Variants in DLG1 observed in about 807,000 individuals in gnomAD.
DLG1 encodes disks large homolog 1.
A neutral mutation model predicts 123.4 loss-of-function variants in DLG1; 42 were observed. The ratio of observed to expected loss-of-function variants is 0.34; its 90% CI spans 0.27 to 0.44. The LOEUF (loss-of-function observed/expected upper bound fraction) is 0.44. Ranked by LOEUF, DLG1 falls within the 20% of genes least tolerant of loss-of-function variation. The pLI is 1.00. For synonymous variants in DLG1, 317 were observed against 356.2 expected (o/e 0.89, Z 1.24); for missense variants, 942 against 1,082.6 (o/e 0.87, Z 1.82).
At chr3:197,291,708 C>T (rs987802187) in intron 3 of DLG1, among the ~76,000 whole-genome samples, 2 of 152,124 alleles carry the variant, frequency 1.3e-5, no homozygotes, top group South Asian at 4.1e-4. Flanking sequence ...TTTCTGGCTC[C>T]GCAATTTAGC....
chr3:197,190,737 G>A (rs368301649), intron 5 of DLG1, among the ~76,000 whole-genome samples: 8 of 152,194 alleles, frequency 5.3e-5, no homozygotes, highest in Non-Finnish European at 8.8e-5. Context: ...TCGGCCGGGC[G>A]CGGTGGCTCC....
intron 4 of DLG1, among the ~76,000 whole-genome samples, chr3:197,238,346 AG>A (rs1448054044): frequency 6.6e-6 from 1 of 152,260 alleles, no homozygotes; most frequent in Non-Finnish European, 1.5e-5. Context: ...TACCTAACAG[AG>A]TTTAAAGTAG....
intron 11 of DLG1, among the ~76,000 whole-genome samples, chr3:197,122,503 G>C (rs1271023679): frequency 6.6e-6 from 1 of 152,024 alleles, no homozygotes; most frequent in African/African-American, 2.4e-5. Context: ...AGGAAAGAAG[G>C]AAGTAAAATT....
intron 4 of DLG1, among the ~76,000 whole-genome samples, chr3:197,200,559 T>C (rs764596633): frequency 1.6e-4 from 25 of 152,174 alleles, no homozygotes; most frequent in African/African-American, 5.3e-4. Flanking sequence ...CTAATGAACA[T>C]AGATGTAAAA....
intron 8 of DLG1, 94 bp from the exon 9 acceptor site, chr3:197,138,485 G>T: frequency 1.8e-6 from 1 of 543,566 alleles, no homozygotes; most frequent in Non-Finnish European, 2.6e-6. Context: ...CTTTTTTAAG[G>T]TAAAGAGAAT....
chr3:197,285,045 A>C (rs338179), intron 3 of DLG1, among the ~76,000 whole-genome samples: 107,365 of 148,016 alleles, frequency 0.73, 39,022 homozygotes, highest in East Asian at 0.81. Flanking sequence ...AAAAAAAAAA[A>C]AACTGGAAAT....
Position 197,169,053 on chromosome 3 carries a change from T to C in DLG1, c.484-19257A>G, listed in dbSNP as rs528423526. Among the ~76,000 whole-genome samples, 8 of 152,368 alleles carry C rather than the reference T, an allele frequency of 5.3e-5. No individual in the cohort carries two copies. In the South Asian group the frequency reaches 1.7e-3, roughly 32 times the overall value. On this transcript the variant is annotated intron_variant, in intron 5 of 24. Coordinates refer to ENST00000667157, the MANE Select transcript of DLG1 (RefSeq NM_001366207.1). ...GAGATTAATTTTCTCTATAGCTTTATATTTTAAATCTAATTTAAGATCTTA... is the reference window on the plus strand; with the variant it reads ...GAGATTAATTTTCTCTATAGCTTTACATTTTAAATCTAATTTAAGATCTTA...
At chr3:197,283,608 C>T (rs992466185) in intron 3 of DLG1, among the ~76,000 whole-genome samples, 4 of 152,036 alleles carry the variant, frequency 2.6e-5, no homozygotes, top group African/African-American at 7.2e-5. Flanking sequence ...CCCGCTATTC[C>T]GAAGCTGTAA....
intron 18 of DLG1, among the ~76,000 whole-genome samples, chr3:197,071,268 G>T (rs1266249748): frequency 6.6e-6 from 1 of 152,052 alleles, no homozygotes; most frequent in East Asian, 1.9e-4. Flanking sequence ...AACAGAATTG[G>T]CAAATGTTCA....
At chr3:197,296,658 A>C in intron 2 of DLG1, 181 bp from the exon 3 acceptor site, 1 of 497,406 alleles carries the variant, frequency 2.0e-6, no homozygotes, top group Non-Finnish European at 3.5e-6. Flanking sequence ...AAAAAATTAA[A>C]GAAATACAAG....
intron 10 of DLG1, 94 bp from the exon 11 acceptor site, chr3:197,130,765 G>T: frequency 9.7e-7 from 1 of 1,031,760 alleles, no homozygotes; most frequent in East Asian, 2.5e-5. Context: ...ATAAGAGAGT[G>T]GTTTAAGGAA....
chr3:197,086,169 T>C (rs113054739), intron 15 of DLG1, among the ~76,000 whole-genome samples: 1 of 152,244 alleles, frequency 6.6e-6, no homozygotes, highest in African/African-American at 2.4e-5. Flanking sequence ...AGTTGTGGAC[T>C]GTACGACTAG....
intron 22 of DLG1, among the ~76,000 whole-genome samples, chr3:197,060,978 GTTT>G (rs557483820): frequency 6.6e-6 from 1 of 152,060 alleles, no homozygotes; most frequent in Non-Finnish European, 1.5e-5. Flanking sequence ...TGATTTTTGT[GTTT>G]TTTGTACAGA....
At chr3:197,267,462 A>T (rs142113501) in intron 4 of DLG1, among the ~76,000 whole-genome samples, 208 of 152,292 alleles carry the variant, frequency 1.4e-3, no homozygotes, top group Non-Finnish European at 2.5e-3. Flanking sequence ...ATATGTTCAC[A>T]GAGGCCATTA....
chr3:197,139,908 T>C lies in DLG1; in HGVS notation c.713+232A>G, dbSNP rs1195059. Reference sequence around the variant, plus strand: ...CAAAGATTTAAACCATCAACCAAATTTGTTATTCAAAATGTTATAATATCT... The same window carrying C: ...CAAAGATTTAAACCATCAACCAAATCTGTTATTCAAAATGTTATAATATCT... On this transcript the variant is annotated intron_variant, in intron 8 of 24. Coordinates refer to ENST00000667157, the MANE Select transcript of DLG1 (RefSeq NM_001366207.1). Among the ~76,000 whole-genome samples the C allele has an allele frequency of 1.7e-3, 263 of 152,324 alleles. 3 individuals are homozygous for C. Among genetic ancestry groups the C allele is most frequent in the South Asian group, 7.2e-3 (35 of 4,828 alleles).
At chr3:197,212,800 A>C (rs1181535714) in intron 4 of DLG1, among the ~76,000 whole-genome samples, 1 of 152,244 alleles carries the variant, frequency 6.6e-6, no homozygotes, top group Non-Finnish European at 1.5e-5. Context: ...TGAGAGACAG[A>C]ATTCAACCCA....
chr3:197,283,930 T>G (rs927266447), intron 3 of DLG1, among the ~76,000 whole-genome samples: 1 of 150,132 alleles, frequency 6.7e-6, no homozygotes, highest in Admixed American at 6.7e-5. Context: ...GGTATGATCT[T>G]GGCTCACGGC....
rs1430763108 is a variant in DLG1 at position 197,085,854 on chromosome 3, TATC to T, written c.1662-101_1662-99del. On this transcript the variant is annotated intron_variant, in intron 15 of 24. Coordinates refer to ENST00000667157, the MANE Select transcript of DLG1 (RefSeq NM_001366207.1). ...TATATGTAATTTGGGTAATTAAATA[TATC>T]ATAGTAGGCCAAATAATGCCCAGTT... The T allele has an allele frequency of 2.6e-6, 3 of 1,156,792 alleles. No homozygotes were observed. The East Asian group carries it at 7.6e-5, about 29-fold the overall frequency. The allele number at this position is 1,156,792 out of a possible 1,614,324, so 71.7% of individuals were successfully genotyped here.
At chr3:197,085,363 T>C in intron 16 of DLG1, 1 of 517,762 alleles carries the variant, frequency 1.9e-6, no homozygotes, top group South Asian at 2.1e-5. Context: ...CCCATCCTCC[T>C]AACCCCTGGT....
Sources: gnomAD v4.1 joint callset for allele counts (sites outside exome capture counted in the v4.1 genomes callset) on GRCh38, gnomAD v4.1.1 for gene constraint, MANE v1.5 for transcripts, NCBI Gene and HGNC (gene_info 2026-07-23, HGNC 2026-07-21) for gene names.